OLFM3: variants seen among roughly 807,000 people sequenced by gnomAD.
OLFM3 encodes olfactomedin 3.
Under a neutral mutation model 48.6 loss-of-function variants are expected in OLFM3, and 20 were observed. The ratio of observed to expected loss-of-function variants is 0.41; its 90% CI spans 0.29 to 0.60. The LOEUF (loss-of-function observed/expected upper bound fraction) is 0.60, where lower values mean the gene tolerates loss of function less well. Ranked by LOEUF, OLFM3 falls within the 20% of genes least tolerant of loss-of-function variation. The probability of loss-of-function intolerance (pLI) is 0.28; values close to 1 mark genes in which losing one functional copy is unlikely to be tolerated. For missense variants in OLFM3, 437 were observed against 544.3 expected, an observed-to-expected ratio of 0.80 and a Z score of 1.96; for synonymous variants, 222 against 198.1, an observed-to-expected ratio of 1.12 and a Z score of -1.01.
intron 1 of OLFM3, among the ~76,000 whole-genome samples, chr1:101,865,829 ACT>A (rs1180904593): frequency 3.9e-5 from 6 of 152,318 alleles, no homozygotes; most frequent in African/African-American, 1.4e-4. Flanking sequence ...ATAACATTTA[ACT>A]CTACTAGATT....
In OLFM3 at chr1:101,825,128, G is replaced by A; in HGVS notation, c.490C>T (p.Leu164Phe). ...CCAATTTCCTCCTGAATACCAGTGA[G>A]GACAGCAGACAGATTCCTTATTTCC... ...KEEIRNLSAV[L>F]TGIQEEIGAY... Residue 164 changes from leucine to phenylalanine, a missense_variant, in exon 4 of 6, where the codon CTC (leucine) becomes TTC (phenylalanine). Leu to Phe is a conservative substitution (Grantham distance 22). Transcript: ENST00000370103. 6.2e-7 allele frequency: 1 copy of A among 1,614,068 alleles called. No individual in the cohort carries two copies. The highest frequency in any genetic ancestry group is 8.5e-7 in the Non-Finnish European group (1 of 1,179,968).
intron 1 of OLFM3, among the ~76,000 whole-genome samples, chr1:101,883,667 T>C (rs1657627060): frequency 6.6e-6 from 1 of 152,002 alleles, no homozygotes; most frequent in African/African-American, 2.4e-5. Flanking sequence ...TAATTACCTG[T>C]CTTTCTCTTT....
intron 1 of OLFM3, among the ~76,000 whole-genome samples, chr1:101,957,069 C>T (rs1000166509): frequency 6.6e-6 from 1 of 151,874 alleles, no homozygotes; most frequent in Non-Finnish European, 1.5e-5. Context: ...CAGAGAAAAA[C>T]TCAGGAATGC....
intron 3 of OLFM3, 75 bp downstream of exon 3, chr1:101,830,597 A>C (rs1323117353): frequency 2.0e-6 from 3 of 1,492,768 alleles, no homozygotes; most frequent in Non-Finnish European, 1.9e-6. Flanking sequence ...ATTCATTTCT[A>C]GCTGAGTGCC....
intron 4 of OLFM3, among the ~76,000 whole-genome samples, chr1:101,807,526 T>C (rs1468660707): frequency 6.6e-6 from 1 of 151,764 alleles, no homozygotes. Context: ...AACTATAACT[T>C]GAAGCTTATT....
intron 1 of OLFM3, among the ~76,000 whole-genome samples, chr1:101,947,101 A>G (rs1331939183): frequency 6.6e-6 from 1 of 152,168 alleles, no homozygotes; most frequent in Non-Finnish European, 1.5e-5. Context: ...TATTTGCTAT[A>G]CTTTCCTAAG....
rs1653598248 is a variant in OLFM3, at chr1:101,803,576, G to C, written c.*662C>G. On this transcript the variant is annotated 3_prime_UTR_variant, in exon 6 of 6. Transcript: ENST00000370103. ...ACACTTGAAAATGGACTCAATTACTGAGGTTAAATTTCAGTGTATTTTATA... is the reference window on the plus strand; with the variant it reads ...ACACTTGAAAATGGACTCAATTACTCAGGTTAAATTTCAGTGTATTTTATA... 6.6e-6 allele frequency: 1 copy of C among 152,122 alleles called. No homozygotes were observed. Among genetic ancestry groups the C allele is most frequent in the Non-Finnish European group, 1.5e-5 (1 of 67,786 alleles). The allele number at this position is 152,122 out of a possible 1,614,324, so 9.4% of individuals were successfully genotyped here. A position where few individuals can be genotyped will look rare whatever the true frequency, so the allele number is the denominator to read the frequency against.
chr1:101,933,071 G>A (rs961544225), intron 1 of OLFM3, among the ~76,000 whole-genome samples: 22 of 151,434 alleles, frequency 1.5e-4, no homozygotes, highest in Non-Finnish European at 1.2e-4. Flanking sequence ...GCATTGTGGC[G>A]GGCACCTGTA....
chr1:101,834,905 T>C (rs567225569), intron 2 of OLFM3, among the ~76,000 whole-genome samples: 48 of 152,324 alleles, frequency 3.2e-4, no homozygotes, highest in African/African-American at 9.9e-4. Context: ...TTTCACTACT[T>C]CCCAGTTTTA....
At chr1:101,856,560 CTT>C (rs1225799661) in intron 1 of OLFM3, among the ~76,000 whole-genome samples, 2 of 152,084 alleles carry the variant, frequency 1.3e-5, no homozygotes, top group African/African-American at 4.8e-5. Context: ...AAGGTTGTCT[CTT>C]GTTATTGAAA....
intron 1 of OLFM3, among the ~76,000 whole-genome samples, chr1:101,921,661 A>C (rs1309540465): frequency 6.6e-6 from 1 of 152,188 alleles, no homozygotes; most frequent in Non-Finnish European, 1.5e-5. Flanking sequence ...TTGTTTGTTT[A>C]CAACAAAATT....
intron 1 of OLFM3, among the ~76,000 whole-genome samples, chr1:101,868,634 T>A (rs867513053): frequency 6.6e-6 from 1 of 152,148 alleles, no homozygotes; most frequent in African/African-American, 2.4e-5. Context: ...CTGCAGAAAT[T>A]TACATAAGTA....
intron 1 of OLFM3, among the ~76,000 whole-genome samples, chr1:101,866,082 T>G (rs1656845446): frequency 6.6e-6 from 1 of 152,190 alleles, no homozygotes; most frequent in Non-Finnish European, 1.5e-5. Context: ...TAATGACCAT[T>G]CATTTGTATA....
In OLFM3 at chr1:101,934,831, A is replaced by G. The variant is rs182899242; in HGVS notation, c.69+61917T>C. ...TAAGAAAACCACTCAAACTCATGCA[A>G]TTACAGGGAAATTAAACAACATATA... On this transcript the variant is annotated intron_variant, in intron 1 of 5. Coordinates refer to ENST00000370103, the MANE Select transcript of OLFM3 (RefSeq NM_058170.4). Among the ~76,000 whole-genome samples the G allele has an allele frequency of 3.9e-3, 593 of 152,292 alleles. 5 individuals carry two copies. The highest frequency in any genetic ancestry group is 0.013 in the African/African-American group (542 of 41,576).
At chr1:101,877,393 A>G (rs907129477) in intron 1 of OLFM3, among the ~76,000 whole-genome samples, 3 of 151,960 alleles carry the variant, frequency 2.0e-5, no homozygotes, top group Admixed American at 6.6e-5. Flanking sequence ...AGATCAGGAG[A>G]TCAAAATCCA....
intron 1 of OLFM3, among the ~76,000 whole-genome samples, chr1:101,931,832 T>C (rs1043186999): frequency 6.6e-6 from 1 of 152,178 alleles, no homozygotes; most frequent in Non-Finnish European, 1.5e-5. Flanking sequence ...TTTCTGTAGC[T>C]TTGTGGGTAG....
intron 1 of OLFM3, among the ~76,000 whole-genome samples, chr1:101,973,676 C>CA (rs1307584378): frequency 6.6e-6 from 1 of 151,968 alleles, no homozygotes; most frequent in Non-Finnish European, 1.5e-5. Flanking sequence ...AAGAGTAGAA[C>CA]AATTGGTCTT....
chr1:101,871,033 C>T (rs1657063301), intron 1 of OLFM3, among the ~76,000 whole-genome samples: 1 of 152,010 alleles, frequency 6.6e-6, no homozygotes, highest in South Asian at 2.1e-4. Context: ...AATATGTTGA[C>T]TTTATAACTC....
At chr1:101,977,182 A>G (rs1660979653) in intron 1 of OLFM3, among the ~76,000 whole-genome samples, 1 of 152,184 alleles carries the variant, frequency 6.6e-6, no homozygotes, top group African/African-American at 2.4e-5. Flanking sequence ...ATTAAATAAA[A>G]TGAATTTGGA....
Sources: gnomAD v4.1 joint callset for allele counts (sites outside exome capture counted in the v4.1 genomes callset) on GRCh38, gnomAD v4.1.1 for gene constraint, MANE v1.5 for transcripts, NCBI Gene and HGNC (gene_info 2026-07-23, HGNC 2026-07-21) for gene names.